Variants in PAQR5 observed in about 807,000 individuals in gnomAD.
PAQR5 encodes membrane progestin receptor gamma.
Under a neutral mutation model 34.5 loss-of-function variants are expected in PAQR5, and 20 were observed. The observed-to-expected ratio is 0.58, with a 90% confidence interval of 0.41 to 0.84. The LOEUF is 0.84. PAQR5 is among the 40% of genes least tolerant of loss of function. The pLI, the probability that PAQR5 is intolerant of heterozygous loss-of-function variation, is 0.00. For synonymous variants in PAQR5, 131 were observed against 155.6 expected, an observed-to-expected ratio of 0.84 and a Z score of 1.18; for missense variants, 378 against 412.7, an observed-to-expected ratio of 0.92 and a Z score of 0.73.
chr15:69,358,200 T>C (rs760519589), intron 2 of PAQR5, among the ~76,000 whole-genome samples: 12 of 152,058 alleles, frequency 7.9e-5, no homozygotes, highest in Admixed American at 3.3e-4. Context: ...TTCTTGGACC[T>C]GTTGCAAGGG....
chr15:69,384,974 A>G, intron 5 of PAQR5, 92 bp downstream of exon 5: 1 of 893,326 alleles, frequency 1.1e-6, no homozygotes, highest in South Asian at 1.6e-5. Context: ...GGCTTTGATG[A>G]GTTTGCAGAA....
chr15:69,305,403 C>T (rs757839452), intron 1 of PAQR5, among the ~76,000 whole-genome samples: 2 of 152,028 alleles, frequency 1.3e-5, no homozygotes, highest in East Asian at 1.9e-4. Context: ...AGACTCAACA[C>T]GTGGGGTGTG....
chr15:69,319,909 G>A (rs532709482), intron 1 of PAQR5, among the ~76,000 whole-genome samples: 6 of 152,304 alleles, frequency 3.9e-5, no homozygotes, highest in African/African-American at 1.2e-4. Context: ...CTCGCCCCAC[G>A]TCTTCTCTGG....
chr15:69,334,270 C>G (rs1156281093), intron 1 of PAQR5, among the ~76,000 whole-genome samples: 2 of 152,164 alleles, frequency 1.3e-5, no homozygotes, highest in African/African-American at 4.8e-5. Context: ...CCTCGTGATC[C>G]ACCCACCTCG....
intron 3 of PAQR5, among the ~76,000 whole-genome samples, chr15:69,367,497 G>A (rs965810407): frequency 1.3e-5 from 2 of 152,180 alleles, no homozygotes; most frequent in African/African-American, 4.8e-5. Flanking sequence ...AGTGGTCAGT[G>A]AGGGACTGAG....
intron 6 of PAQR5, among the ~76,000 whole-genome samples, chr15:69,390,188 G>C (rs1170079858): frequency 6.6e-6 from 1 of 151,992 alleles, no homozygotes; most frequent in South Asian, 2.1e-4. Context: ...GCTAATTTTT[G>C]TATTTTTAGT....
intron 1 of PAQR5, among the ~76,000 whole-genome samples, chr15:69,310,025 G>A (rs1396641401): frequency 6.6e-6 from 1 of 151,062 alleles, no homozygotes; most frequent in Non-Finnish European, 1.5e-5. Context: ...TCCAGCCTGG[G>A]TGACAGAGTG....
intron 4 of PAQR5, among the ~76,000 whole-genome samples, chr15:69,384,299 G>C (rs1020703752): frequency 7.2e-6 from 1 of 139,106 alleles, no homozygotes; most frequent in Non-Finnish European, 1.6e-5. Flanking sequence ...GAGGGTGAGT[G>C]GGCCCTCCGT....
intron 2 of PAQR5, among the ~76,000 whole-genome samples, chr15:69,341,918 A>T (rs1342892346): frequency 2.1e-5 from 2 of 95,288 alleles, no homozygotes; most frequent in African/African-American, 7.2e-5. Context: ...ACAGAGTGAG[A>T]CCCTGTCTCA....
chr15:69,350,662 A>G (rs1329062281), intron 2 of PAQR5, among the ~76,000 whole-genome samples: 1 of 145,598 alleles, frequency 6.9e-6, no homozygotes, highest in Non-Finnish European at 1.5e-5. Flanking sequence ...AAAAAAATTA[A>G]AAAATCACAC....
At chr15:69,315,677 G>T (rs2053929453) in intron 1 of PAQR5, among the ~76,000 whole-genome samples, 1 of 152,234 alleles carries the variant, frequency 6.6e-6, no homozygotes, top group African/African-American at 2.4e-5. Flanking sequence ...ACGAGTTTGG[G>T]AGAGGTGTCT....
chr15:69,363,543 G>GTTTTT (rs2055301480), intron 3 of PAQR5, among the ~76,000 whole-genome samples: 1 of 27,062 alleles, frequency 3.7e-5, no homozygotes. Context: ...TCTGTTTTTT[G>GTTTTT]TTTTTGTTTT....
chr15:69,302,537 T>C (rs2053628409), intron 1 of PAQR5, among the ~76,000 whole-genome samples: 1 of 152,134 alleles, frequency 6.6e-6, no homozygotes, highest in Admixed American at 6.5e-5. Flanking sequence ...AAGTGAGGGA[T>C]GTAGAAGAGT....
intron 1 of PAQR5, among the ~76,000 whole-genome samples, chr15:69,302,687 G>T (rs1481397955): frequency 1.3e-5 from 2 of 152,116 alleles, no homozygotes; most frequent in South Asian, 4.2e-4. Context: ...TTGACTTGAG[G>T]ACAGGCCAGC....
intron 4 of PAQR5, among the ~76,000 whole-genome samples, chr15:69,382,613 C>G (rs2055918736): frequency 7.4e-6 from 1 of 134,368 alleles, no homozygotes; most frequent in Admixed American, 8.0e-5. Flanking sequence ...CCACTGCACT[C>G]CAGCCTGGTG....
rs1297952069 is a variant in PAQR5, at chr15:69,322,832, A to AGAAGAAGAG, written c.-276-14504_-276-14503insAGAGGAAGA. 2.7e-3 allele frequency among the ~76,000 whole-genome samples: 213 copies of AGAAGAAGAG among 78,526 alleles called. 43 individuals carry two copies. The highest frequency in any genetic ancestry group is 0.01 in the South Asian group (19 of 1,822). 51.5% of individuals were successfully genotyped at this position (78,526 alleles called of 152,430 possible). On this transcript the variant is annotated intron_variant, in intron 1 of 8. Transcript: ENST00000395407. ...AAGAGGAAGAAGAAGAAGAAGAAGA[A>AGAAGAAGAG]GAAGAGGAAGAAGAAGAGGAATTAT...
chr15:69,377,573 C>T (rs2140907895), intron 3 of PAQR5, among the ~76,000 whole-genome samples: 1 of 152,314 alleles, frequency 6.6e-6, no homozygotes, highest in Non-Finnish European at 1.5e-5. Context: ...TCTAGTTGAG[C>T]AGTTCAACCC....
intron 1 of PAQR5, among the ~76,000 whole-genome samples, chr15:69,317,099 G>A (rs1019656152): frequency 9.2e-5 from 14 of 152,230 alleles, no homozygotes; most frequent in African/African-American, 2.7e-4. Context: ...GATTACAGGC[G>A]TGAGCCACTG....
At chr15:69,325,515 T>G (rs1255807435) in intron 1 of PAQR5, among the ~76,000 whole-genome samples, 1 of 152,222 alleles carries the variant, frequency 6.6e-6, no homozygotes, top group African/African-American at 2.4e-5. Context: ...AACTGTTGTG[T>G]CTGCTTCTTC....
Sources: allele counts gnomAD v4.1 joint callset (sites outside exome capture counted in the v4.1 genomes callset), GRCh38; gene constraint gnomAD v4.1.1; transcripts MANE v1.5; gene names NCBI Gene and HGNC (gene_info 2026-07-23, HGNC 2026-07-21).